Variants in UBE3B observed in about 807,000 individuals in gnomAD.
UBE3B encodes the protein ubiquitin-protein ligase E3B.
Under a neutral mutation model 132.3 loss-of-function variants are expected in UBE3B, and 80 were observed. The ratio of observed to expected loss-of-function variants is 0.60; its 90% confidence interval spans 0.50 to 0.73. UBE3B has a LOEUF of 0.73. Ranked by LOEUF, UBE3B falls within the 30% of genes least tolerant of loss-of-function variation. The pLI is 0.00. For synonymous variants in UBE3B, 487 were observed against 520.4 expected (o/e 0.94, Z 0.87); for missense variants, 1,196 against 1,362.5 (o/e 0.88, Z 1.92).
chr12:109,511,082 A>C, intron 17 of UBE3B, 122 bp from the exon 18 acceptor site: 1 of 820,992 alleles, frequency 1.2e-6, no homozygotes, highest in Non-Finnish European at 2.0e-6. Context: ...TCATGTTCCC[A>C]TCAGACTCTT....
rs2135707973 is a variant in UBE3B, at chr12:109,477,831, C to T, written c.-406C>T. On this transcript the variant is annotated 5_prime_UTR_variant, in exon 1 of 28. Transcript: ENST00000342494. ...GCGGGAGAACTGGGTCGTCAGTCCTCCGAGTGGTGGGGCTGGGGACTTTGA... is the reference window on the plus strand; with the variant it reads ...GCGGGAGAACTGGGTCGTCAGTCCTTCGAGTGGTGGGGCTGGGGACTTTGA... The T allele has an allele frequency of 6.2e-6, 1 of 160,244 alleles. No individual in the cohort carries two copies. The highest frequency in any genetic ancestry group is 1.4e-4 in the South Asian group (1 of 7,088). 9.9% of individuals were successfully genotyped at this position (160,244 alleles called of 1,614,324 possible).
chr12:109,481,356 CTCTT>C (rs1433398849), intron 1 of UBE3B, among the ~76,000 whole-genome samples: 1 of 151,832 alleles, frequency 6.6e-6, no homozygotes, highest in Non-Finnish European at 1.5e-5. Context: ...TTTTCAGTAG[CTCTT>C]TAACATTCCA....
At chr12:109,543,541 T>C in the UBE3B span, among the ~76,000 whole-genome samples, 1 of 152,174 alleles carries the variant, frequency 6.6e-6, no homozygotes, top group Non-Finnish European at 1.5e-5. Flanking sequence ...AGCCACACTT[T>C]AAGAAGGATG....
chr12:109,530,151 G>T, intron 25 of UBE3B, 79 bp downstream of exon 25: 1 of 1,554,468 alleles, frequency 6.4e-7, no homozygotes, highest in South Asian at 1.2e-5. Context: ...GTTCCTTTTA[G>T]AGAGTTGTTT....
intron 9 of UBE3B, chr12:109,491,724 A>T (rs1484370644): frequency 6.6e-6 from 1 of 152,262 alleles, no homozygotes; most frequent in Admixed American, 6.5e-5. Context: ...GCTTGGGGAG[A>T]TGTTAATAAA....
intron 15 of UBE3B, chr12:109,508,551 T>TA (rs1879967543): frequency 1.0e-6 from 1 of 985,402 alleles, no homozygotes; most frequent in Non-Finnish European, 1.2e-6. Flanking sequence ...AATTATAAGA[T>TA]ACAATGGACC....
rs1386751538 is a variant in UBE3B at position 109,535,577 on chromosome 12, C to T, written c.*795C>T. On this transcript the variant is annotated 3_prime_UTR_variant, in exon 28 of 28. Transcript: ENST00000342494. ...CCGTTTCCAGAATGTGCTGCCTGTT[C>T]CCCAAAGCCTGCTTGTCCCGCGGAG... 1.3e-5 allele frequency: 2 copies of T among 152,262 alleles called. No homozygotes were observed. Among genetic ancestry groups the T allele is most frequent in the African/African-American group, 4.8e-5 (2 of 41,458 alleles). 9.4% of individuals were successfully genotyped at this position (152,262 alleles called of 1,614,324 possible).
intron 8 of UBE3B, 151 bp downstream of exon 8, chr12:109,490,155 C>T (rs372718403): frequency 1.1e-6 from 1 of 899,818 alleles, no homozygotes; most frequent in Non-Finnish European, 1.8e-6. Flanking sequence ...TCTTCCTTCC[C>T]CTGCCTTGTC....
chr12:109,511,583 G>A (rs1329471809), intron 18 of UBE3B, among the ~76,000 whole-genome samples: 2 of 152,186 alleles, frequency 1.3e-5, no homozygotes, highest in Non-Finnish European at 2.9e-5. Flanking sequence ...GGTCCCACGG[G>A]CAAAAGTGGA....
intron 8 of UBE3B, chr12:109,490,447 G>A: frequency 6.5e-7 from 1 of 1,534,732 alleles, no homozygotes; most frequent in Non-Finnish European, 8.7e-7. Context: ...TGGAAGTCTT[G>A]AGTTTGAGAA....
Position 109,483,887 on chromosome 12 carries a change from C to G in UBE3B, c.188C>G (p.Ala63Gly). Residue 63 changes from alanine to glycine, a missense_variant, in exon 4 of 28, where the codon GCA (alanine) becomes GGA (glycine). Coordinates refer to ENST00000342494, the MANE Select transcript of UBE3B (RefSeq NM_130466.4). ...AGAGAGATTGATGACTTTTTTAAAG[C>G]AGATGACCCTGAGTCCACTAAAAGA... ...IRREIDDFFK[A>G]DDPESTKRSA... is the part of the protein sequence containing the mutation. 1 of 1,613,034 alleles carries G rather than the reference C, an allele frequency of 6.2e-7. No homozygotes were observed.
intron 16 of UBE3B, 40 bp downstream of exon 16, chr12:109,509,754 C>A: frequency 7.2e-7 from 1 of 1,392,918 alleles, no homozygotes; most frequent in Admixed American, 2.1e-5. Context: ...GTTGATGCTG[C>A]ACCCAGGGAG....
At position 109,521,120 on chromosome 12, in the gene UBE3B, T is replaced by C. The variant is rs1472563069; in HGVS notation, c.2077-28T>C. The C allele has an allele frequency of 1.2e-6, 2 of 1,611,758 alleles. No individual in the cohort carries two copies. The highest frequency in any genetic ancestry group is 1.7e-6 in the Non-Finnish European group (2 of 1,178,370). On this transcript the variant is annotated intron_variant, in intron 19 of 27. Coordinates refer to ENST00000342494, the MANE Select transcript of UBE3B (RefSeq NM_130466.4). This position sits in a 1 kb window ranked among gnomAD's most constrained non-coding sequence, Gnocchi z 4.2. ...TGTGTGCATAAGGCTTTGGGCTTCCTAATGGGCTGTAATTCTGCTCTTGGC... is the reference window on the plus strand; with the variant it reads ...TGTGTGCATAAGGCTTTGGGCTTCCCAATGGGCTGTAATTCTGCTCTTGGC...
chr12:109,498,696 G>A (rs1402646220), intron 11 of UBE3B, among the ~76,000 whole-genome samples: 2 of 152,224 alleles, frequency 1.3e-5, no homozygotes, highest in African/African-American at 4.8e-5. Context: ...TTATATCAGA[G>A]CAGCGCCTGC....
At chr12:109,526,202 C>T (rs1186278478) in intron 23 of UBE3B, among the ~76,000 whole-genome samples, 156 bp from the exon 24 acceptor site, 4 of 152,150 alleles carry the variant, frequency 2.6e-5, no homozygotes, top group South Asian at 2.1e-4. Context: ...GTTGATATTT[C>T]AGCCTTGACT....
At chr12:109,498,442 G>A in intron 11 of UBE3B, 89 bp downstream of exon 11, 1 of 1,469,904 alleles carries the variant, frequency 6.8e-7, no homozygotes, top group Non-Finnish European at 9.2e-7. Flanking sequence ...AGATTTGGTT[G>A]TTTTCTGTAA....
rs369860465 is a variant in UBE3B, at chr12:109,501,544, G to A, written c.1282+10G>A. On this transcript the variant is annotated intron_variant, in intron 13 of 27. Transcript: ENST00000342494. ...GTGCTCCCAGTGAAGAGTGAGTGACGGGAGCAGGCCCAACCCTGTAGCTCC... is the reference window on the plus strand; with the variant it reads ...GTGCTCCCAGTGAAGAGTGAGTGACAGGAGCAGGCCCAACCCTGTAGCTCC... The A allele has an allele frequency of 1.5e-5, 24 of 1,612,264 alleles. No homozygotes were observed. The highest frequency in any genetic ancestry group is 2.2e-5 in the East Asian group (1 of 44,862).
intron 9 of UBE3B, chr12:109,492,548 G>A (rs1270452517): frequency 3.3e-5 from 5 of 152,156 alleles, no homozygotes; most frequent in African/African-American, 1.2e-4. Context: ...TTCAAGACCA[G>A]TCTGGGCAAC....
rs1313451437 is a variant in UBE3B, at chr12:109,522,214, A to C, written c.2364+663A>C. 6.6e-6 allele frequency among the ~76,000 whole-genome samples: 1 copy of C among 152,152 alleles called. No homozygotes were observed. Among genetic ancestry groups the C allele is most frequent in the African/African-American group, 2.4e-5 (1 of 41,420 alleles). On this transcript the variant is annotated intron_variant, in intron 21 of 27. Transcript: ENST00000342494. This position sits in a 1 kb window ranked among gnomAD's most constrained non-coding sequence, Gnocchi z 4.2. The stretch of plus-strand genomic sequence containing the variant: ...TTCTACGGTGCCCAGCCAGCTGCTC[A>C]CACCAGGTGGATCGGAGCAGTCATC...
Sources: allele counts gnomAD v4.1 joint callset (sites outside exome capture counted in the v4.1 genomes callset), GRCh38; gene constraint gnomAD v4.1.1; non-coding constraint Gnocchi (gnomAD v3.1); transcripts MANE v1.5; gene names NCBI Gene and HGNC (gene_info 2026-07-23, HGNC 2026-07-21).